ABTB3: variants seen among roughly 807,000 people sequenced by gnomAD.
The protein encoded by ABTB3 is ankyrin repeat- and BTB/POZ domain-containing protein 3.
chr12:107,387,710 C>A, the ABTB3 span, among the ~76,000 whole-genome samples: 12 of 152,282 alleles, frequency 7.9e-5, no homozygotes, highest in East Asian at 5.8e-4. Flanking sequence ...GTCCCTGGGA[C>A]CTTCCTAGAC....
chr12:107,502,142 G>A, the ABTB3 span, among the ~76,000 whole-genome samples: 1 of 151,182 alleles, frequency 6.6e-6, no homozygotes, highest in African/African-American at 2.4e-5. Context: ...TCAGCTCACT[G>A]CAACCTCTGC....
the ABTB3 span, among the ~76,000 whole-genome samples, chr12:107,432,479 C>T: frequency 3.2e-4 from 48 of 152,318 alleles, no homozygotes; most frequent in African/African-American, 1.1e-3. Flanking sequence ...CTTTGAGGAC[C>T]TACTAAGTGT....
chr12:107,470,318 G>A, the ABTB3 span, among the ~76,000 whole-genome samples: 3 of 152,050 alleles, frequency 2.0e-5, no homozygotes, highest in Non-Finnish European at 4.4e-5. Context: ...GGATTATAGC[G>A]TGAGCCACCG....
chr12:107,456,149 C>A, the ABTB3 span, among the ~76,000 whole-genome samples: 1 of 152,330 alleles, frequency 6.6e-6, no homozygotes, highest in South Asian at 2.1e-4. Context: ...CATATTAACA[C>A]GTTTAATCCT....
At chr12:107,513,431 A>G in the ABTB3 span, among the ~76,000 whole-genome samples, 2 of 152,042 alleles carry the variant, frequency 1.3e-5, no homozygotes, top group Admixed American at 1.3e-4. Flanking sequence ...GTGAGTCCTC[A>G]CGAGATCTGA....
chr12:107,384,477 G>T, the ABTB3 span, among the ~76,000 whole-genome samples: 1 of 152,200 alleles, frequency 6.6e-6, no homozygotes, highest in Non-Finnish European at 1.5e-5. Context: ...AGTGCATCTT[G>T]GCAGGTGTCG....
chr12:107,642,248 G>A, the ABTB3 span: 6 of 1,362,602 alleles, frequency 4.4e-6, no homozygotes, highest in Admixed American at 1.7e-5. Context: ...CTCAGCCTGA[G>A]GATTGGCCAC....
At chr12:107,454,542 T>G in the ABTB3 span, among the ~76,000 whole-genome samples, 1 of 152,166 alleles carries the variant, frequency 6.6e-6, no homozygotes, top group East Asian at 1.9e-4. Context: ...GGACAGGCTG[T>G]GTGCAGCTTG....
the ABTB3 span, among the ~76,000 whole-genome samples, chr12:107,346,089 T>G: frequency 6.6e-6 from 1 of 152,166 alleles, no homozygotes; most frequent in African/African-American, 2.4e-5. Context: ...CTGTTGAGAG[T>G]GGCGTGGAGC....
the ABTB3 span, among the ~76,000 whole-genome samples, chr12:107,433,275 C>G: frequency 8.8e-6 from 1 of 113,406 alleles, no homozygotes; most frequent in Admixed American, 1.4e-4. Context: ...CCGGCCTGGG[C>G]GACAGAGCGA....
chr12:107,579,596 C>T, the ABTB3 span, among the ~76,000 whole-genome samples: 27 of 152,234 alleles, frequency 1.8e-4, no homozygotes, highest in Non-Finnish European at 3.5e-4. Context: ...AAAACTGGCA[C>T]CTGCCACCAA....
At chr12:107,390,505 C>CA in the ABTB3 span, among the ~76,000 whole-genome samples, 2 of 152,204 alleles carry the variant, frequency 1.3e-5, no homozygotes, top group East Asian at 1.9e-4. Flanking sequence ...TTAAACAAGC[C>CA]AAAAAATACT....
At chr12:107,371,732 T>C in the ABTB3 span, among the ~76,000 whole-genome samples, 1 of 152,178 alleles carries the variant, frequency 6.6e-6, no homozygotes, top group Non-Finnish European at 1.5e-5. Context: ...AGGCCATAAT[T>C]CACTCTTCAA....
the ABTB3 span, among the ~76,000 whole-genome samples, chr12:107,371,182 C>G: frequency 6.6e-6 from 1 of 152,110 alleles, no homozygotes. Context: ...GAGTAGCAAG[C>G]AGGGAGATCA....
chr12:107,500,211 G>A, the ABTB3 span, among the ~76,000 whole-genome samples: 1 of 152,290 alleles, frequency 6.6e-6, no homozygotes, highest in East Asian at 1.9e-4. Flanking sequence ...CTGAGGCCTG[G>A]CTCCTCTGCT....
chr12:107,592,554 G>A, the ABTB3 span, among the ~76,000 whole-genome samples: 6 of 152,096 alleles, frequency 3.9e-5, no homozygotes, highest in African/African-American at 4.8e-5. Context: ...AAGTAACAAC[G>A]AAAATAAATG....
At chr12:107,404,636 G>A in the ABTB3 span, among the ~76,000 whole-genome samples, 1 of 152,176 alleles carries the variant, frequency 6.6e-6, no homozygotes, top group Non-Finnish European at 1.5e-5. Context: ...ACTTCCTCTG[G>A]CTTCCAGGAG....
At chr12:107,582,251 G>A in the ABTB3 span, among the ~76,000 whole-genome samples, 42 of 152,162 alleles carry the variant, frequency 2.8e-4, no homozygotes, top group African/African-American at 9.9e-4. Context: ...ACCACATGCC[G>A]AGCACTGTTC....
At chr12:107,575,773 G>C in the ABTB3 span, among the ~76,000 whole-genome samples, 7 of 152,116 alleles carry the variant, frequency 4.6e-5, no homozygotes, top group African/African-American at 1.4e-4. Context: ...CCCACCTGGA[G>C]GCTCCTGAAC....
Sources: gnomAD v4.1 joint callset for allele counts (sites outside exome capture counted in the v4.1 genomes callset) on GRCh38, gnomAD v4.1.1 for gene constraint, MANE v1.5 for transcripts, NCBI Gene and HGNC (gene_info 2026-07-23, HGNC 2026-07-21) for gene names.